The following MGAT5 variants were observed in gnomAD, a reference collection of about 807,000 sequenced individuals.
The protein encoded by MGAT5 is alpha-1,6-mannosylglycoprotein 6-beta-N-acetylglucosaminyltransferase A.
A neutral mutation model predicts 94.3 loss-of-function variants in MGAT5; 30 were observed. That is an observed-to-expected ratio of 0.32 (90% CI 0.24 to 0.43). The LOEUF is 0.43. MGAT5 is among the 20% of genes least tolerant of loss of function. The pLI, the probability that MGAT5 is intolerant of heterozygous loss-of-function variation, is 1.00. For missense variants in MGAT5, 691 were observed against 905.5 expected, an observed-to-expected ratio of 0.76 and a Z score of 3.04; for synonymous variants, 310 against 322.9, an observed-to-expected ratio of 0.96 and a Z score of 0.43.
intron 5 of MGAT5, among the ~76,000 whole-genome samples, chr2:134,336,777 G>A (rs1376731248): frequency 2.6e-5 from 4 of 152,142 alleles, no homozygotes; most frequent in Admixed American, 6.5e-5. Flanking sequence ...AGCAGTTTCA[G>A]GGAGGAGAGC....
chr2:134,121,894 C>T (rs891151622), intron 1 of MGAT5, among the ~76,000 whole-genome samples: 1 of 152,156 alleles, frequency 6.6e-6, no homozygotes, highest in Admixed American at 6.5e-5. Context: ...CTAAGCCTTA[C>T]GGCTGCATCA....
intron 12 of MGAT5, among the ~76,000 whole-genome samples, chr2:134,413,933 T>C (rs1423222921): frequency 6.6e-6 from 1 of 152,238 alleles, no homozygotes; most frequent in African/African-American, 2.4e-5. Context: ...CCAAATAGTA[T>C]ATAAGATGCA....
intron 1 of MGAT5, among the ~76,000 whole-genome samples, chr2:134,125,610 G>A (rs1024412250): frequency 3.3e-5 from 5 of 152,188 alleles, no homozygotes; most frequent in Admixed American, 2.6e-4. Flanking sequence ...GGAACAATTG[G>A]TAACAGTTGA....
chr2:134,213,772 G>T (rs1448117782), intron 1 of MGAT5, among the ~76,000 whole-genome samples: 1 of 152,180 alleles, frequency 6.6e-6, no homozygotes, highest in Non-Finnish European at 1.5e-5. Flanking sequence ...ATTTGATGAG[G>T]TCCAGAAGGG....
chr2:134,183,313 T>C (rs188085224), intron 1 of MGAT5, among the ~76,000 whole-genome samples: 1 of 152,308 alleles, frequency 6.6e-6, no homozygotes. Context: ...ACGTCACTCG[T>C]TGGGCTTTAG....
intron 1 of MGAT5, among the ~76,000 whole-genome samples, chr2:134,138,210 T>C (rs1686505932): frequency 3.8e-5 from 1 of 26,164 alleles, no homozygotes; most frequent in East Asian, 8.7e-4. Flanking sequence ...TCTTCTATCA[T>C]TGCCCTTTTT....
intron 12 of MGAT5, among the ~76,000 whole-genome samples, chr2:134,418,177 G>A (rs954702119): frequency 1.3e-5 from 2 of 152,162 alleles, no homozygotes; most frequent in African/African-American, 4.8e-5. Context: ...ATCAGCCAGC[G>A]TGAAGTTATC....
At chr2:134,317,688 CAAA>C in intron 3 of MGAT5, 83 bp downstream of exon 3, 1 of 904,328 alleles carries the variant, frequency 1.1e-6, no homozygotes, top group Non-Finnish European at 1.6e-6. Flanking sequence ...CTCAGTGACA[CAAA>C]TGGGTGAGTG....
chr2:134,248,029 T>G (rs538119058), intron 1 of MGAT5, among the ~76,000 whole-genome samples: 1 of 152,138 alleles, frequency 6.6e-6, no homozygotes, highest in Non-Finnish European at 1.5e-5. Context: ...TCTTCTGGAG[T>G]GTTTTTTTGC....
intron 1 of MGAT5, among the ~76,000 whole-genome samples, chr2:134,241,790 T>G (rs1573595067): frequency 6.6e-6 from 1 of 152,116 alleles, no homozygotes; most frequent in Admixed American, 6.5e-5. Context: ...GATCATATAT[T>G]ACTGTTAAAA....
intron 1 of MGAT5, among the ~76,000 whole-genome samples, chr2:134,238,256 T>C (rs1366880224): frequency 1.3e-5 from 2 of 152,202 alleles, no homozygotes; most frequent in Admixed American, 6.5e-5. Context: ...TTCCCTACTC[T>C]GAATGGAGAT....
At chr2:134,368,584 C>G (rs962901619) in intron 10 of MGAT5, among the ~76,000 whole-genome samples, 1 of 152,258 alleles carries the variant, frequency 6.6e-6, no homozygotes, top group Non-Finnish European at 1.5e-5. Context: ...CCCACTTCCC[C>G]TGCTCCTGCC....
intron 1 of MGAT5, among the ~76,000 whole-genome samples, chr2:134,247,670 T>G (rs950934054): frequency 5.3e-5 from 8 of 152,232 alleles, no homozygotes; most frequent in Non-Finnish European, 1.0e-4. Context: ...GAGCACAGTT[T>G]GAGAACCAAT....
intron 15 of MGAT5, among the ~76,000 whole-genome samples, chr2:134,447,288 AC>A (rs1293993914): frequency 6.6e-6 from 1 of 152,190 alleles, no homozygotes; most frequent in Non-Finnish European, 1.5e-5. Flanking sequence ...GTAAATTCAT[AC>A]CACTGGACAA....
intron 1 of MGAT5, among the ~76,000 whole-genome samples, chr2:134,200,656 C>T (rs10211475): frequency 0.15 from 22,816 of 152,078 alleles, 2,522 homozygotes; most frequent in Non-Finnish European, 0.23. Flanking sequence ...CTGTTTTAAT[C>T]ACGAAGTATG....
chr2:134,270,236 C>T, intron 1 of MGAT5, 150 bp from the exon 2 acceptor site: 1 of 737,974 alleles, frequency 1.4e-6, no homozygotes, highest in South Asian at 2.0e-5. Context: ...TGAAGACGGC[C>T]CTTGTCATCT....
intron 1 of MGAT5, among the ~76,000 whole-genome samples, chr2:134,243,086 A>C (rs1340390710): frequency 6.6e-6 from 1 of 151,816 alleles, no homozygotes; most frequent in East Asian, 1.9e-4. Context: ...AATGGATCAC[A>C]TTTTGGGTTT....
At chr2:134,396,937 G>C (rs1682747770) in intron 10 of MGAT5, among the ~76,000 whole-genome samples, 1 of 152,236 alleles carries the variant, frequency 6.6e-6, no homozygotes, top group Admixed American at 6.5e-5. Flanking sequence ...GGAGGCAGGA[G>C]TCCATCCAGA....
chr2:134,297,189 C>T, intron 2 of MGAT5, among the ~76,000 whole-genome samples: 1 of 93,248 alleles, frequency 1.1e-5, no homozygotes, highest in Admixed American at 1.3e-4. Context: ...AGACTGAGAC[C>T]TGGTCTCAAA....
Sources: allele counts gnomAD v4.1 joint callset (sites outside exome capture counted in the v4.1 genomes callset), GRCh38; gene constraint gnomAD v4.1.1; transcripts MANE v1.5; gene names NCBI Gene and HGNC (gene_info 2026-07-23, HGNC 2026-07-21).